Variants in SLC35F3 observed in about 807,000 individuals in gnomAD.
SLC35F3 encodes solute carrier family 35 member F3, also known as putative thiamine transporter SLC35F3.
A neutral mutation model predicts 49.9 loss-of-function variants in SLC35F3; 25 were observed. The observed-to-expected ratio is 0.50, with a 90% CI of 0.37 to 0.70. SLC35F3 has a LOEUF of 0.70. SLC35F3 is among the 30% of genes least tolerant of loss of function. The pLI is 0.00. For missense variants in SLC35F3, 525 were observed against 639.8 expected (o/e 0.82, Z 1.94); for synonymous variants, 275 against 265.4 (o/e 1.04, Z -0.35).
At chr1:233,963,303 T>C (rs1662836504) in intron 2 of SLC35F3, among the ~76,000 whole-genome samples, 2 of 151,196 alleles carry the variant, frequency 1.3e-5, no homozygotes, top group South Asian at 4.2e-4. Flanking sequence ...TCTTTCTTTT[T>C]TTTTTTTCTT....
chr1:234,227,658 A>G (rs544508979), intron 2 of SLC35F3, among the ~76,000 whole-genome samples: 104 of 152,152 alleles, frequency 6.8e-4, no homozygotes, highest in African/African-American at 2.2e-3. Flanking sequence ...TCGGCCTCCC[A>G]AAGTGCTGGG....
intron 2 of SLC35F3, among the ~76,000 whole-genome samples, chr1:233,986,031 C>T (rs1246694960): frequency 6.6e-6 from 1 of 152,152 alleles, no homozygotes; most frequent in African/African-American, 2.4e-5. Context: ...TACTTAAGGT[C>T]TTTGGACCTT....
intron 2 of SLC35F3, among the ~76,000 whole-genome samples, chr1:234,222,060 G>A (rs573672154): frequency 6.6e-6 from 1 of 152,338 alleles, no homozygotes; most frequent in African/African-American, 2.4e-5. Flanking sequence ...TGCTCTTTCT[G>A]AGAGTAGATT....
chr1:233,911,041 A>C (rs891323049), intron 2 of SLC35F3, among the ~76,000 whole-genome samples: 4 of 152,214 alleles, frequency 2.6e-5, no homozygotes, highest in Non-Finnish European at 5.9e-5. Context: ...AGGGCACTGA[A>C]TAACACACCT....
chr1:233,942,357 A>T (rs1450028638), intron 2 of SLC35F3, among the ~76,000 whole-genome samples: 1 of 152,040 alleles, frequency 6.6e-6, no homozygotes, highest in Non-Finnish European at 1.5e-5. Context: ...GGGGTTTTTG[A>T]TGTTGTTTTG....
intron 2 of SLC35F3, among the ~76,000 whole-genome samples, chr1:233,975,404 T>C (rs1236711813): frequency 6.6e-6 from 1 of 152,240 alleles, no homozygotes; most frequent in Non-Finnish European, 1.5e-5. Flanking sequence ...AATTTTAGTA[T>C]GCCATAACTG....
rs182561449 is a variant in SLC35F3 at position 234,142,449 on chromosome 1, A to G, written c.284-88968A>G. Among the ~76,000 whole-genome samples, 16 of 152,168 alleles carry G rather than the reference A, an allele frequency of 1.1e-4. No individual in the cohort carries two copies. The East Asian group carries it at 3.1e-3, about 29-fold the overall frequency. On this transcript the variant is annotated intron_variant, in intron 2 of 7. Coordinates refer to ENST00000366618, the MANE Select transcript of SLC35F3 (RefSeq NM_173508.4). ...AGCCGTTTTGTCCACTGCGGTGGAGAGGGCTGCTGCAGTGAATGACTGAGA... is the reference window on the plus strand; with the variant it reads ...AGCCGTTTTGTCCACTGCGGTGGAGGGGGCTGCTGCAGTGAATGACTGAGA...
At chr1:233,930,154 A>AG (rs771125894) in intron 2 of SLC35F3, among the ~76,000 whole-genome samples, 9 of 82,478 alleles carry the variant, frequency 1.1e-4, no homozygotes, top group Non-Finnish European at 2.7e-4. Context: ...ATTTCTTAAA[A>AG]GAAAAAAAAA....
At chr1:234,075,530 G>T (rs1664778873) in intron 2 of SLC35F3, among the ~76,000 whole-genome samples, 1 of 152,224 alleles carries the variant, frequency 6.6e-6, no homozygotes, top group East Asian at 1.9e-4. Context: ...GAAGATTCCA[G>T]ATAAAATGTG....
intron 2 of SLC35F3, among the ~76,000 whole-genome samples, chr1:234,172,959 C>G (rs771332351): frequency 2.6e-5 from 4 of 152,170 alleles, no homozygotes; most frequent in Non-Finnish European, 5.9e-5. Context: ...CAGCTTCCCC[C>G]AATGGTAACA....
At chr1:234,312,036 C>G (rs1455896529) in intron 4 of SLC35F3, among the ~76,000 whole-genome samples, 2 of 152,192 alleles carry the variant, frequency 1.3e-5, no homozygotes, top group African/African-American at 2.4e-5. Context: ...TCTTATTATT[C>G]CTTCTCAATT....
At chr1:233,944,766 G>T (rs572784988) in intron 2 of SLC35F3, among the ~76,000 whole-genome samples, 1 of 152,190 alleles carries the variant, frequency 6.6e-6, no homozygotes, top group Non-Finnish European at 1.5e-5. Flanking sequence ...AATTTAAAGT[G>T]CCCTGCTTGT....
chr1:234,226,319 AT>A (rs1667284849), intron 2 of SLC35F3, among the ~76,000 whole-genome samples: 1 of 152,010 alleles, frequency 6.6e-6, no homozygotes. Flanking sequence ...GTGGTCTTTG[AT>A]CCCCGCTCTG....
At chr1:234,099,111 T>A (rs1665176114) in intron 2 of SLC35F3, among the ~76,000 whole-genome samples, 1 of 152,074 alleles carries the variant, frequency 6.6e-6, no homozygotes, top group East Asian at 1.9e-4. Context: ...CATGTTCTGT[T>A]ACAGAGGGAG....
At chr1:234,141,724 A>G (rs1214432955) in intron 2 of SLC35F3, among the ~76,000 whole-genome samples, 1 of 152,168 alleles carries the variant, frequency 6.6e-6, no homozygotes, top group African/African-American at 2.4e-5. Flanking sequence ...AGTTCTGCCC[A>G]TCGGACCACT....
intron 2 of SLC35F3, among the ~76,000 whole-genome samples, chr1:234,114,220 T>C (rs753650186): frequency 6.6e-6 from 1 of 152,230 alleles, no homozygotes; most frequent in Non-Finnish European, 1.5e-5. Context: ...TATATCATGG[T>C]ATTTATTGCT....
At chr1:234,295,981 C>T (rs1437213772) in intron 3 of SLC35F3, among the ~76,000 whole-genome samples, 1 of 152,212 alleles carries the variant, frequency 6.6e-6, no homozygotes, top group Admixed American at 6.5e-5. Flanking sequence ...ATGTGTTATA[C>T]AAATGTATTC....
chr1:234,069,090 TA>T (rs1330719177), intron 2 of SLC35F3, among the ~76,000 whole-genome samples: 15 of 123,322 alleles, frequency 1.2e-4, no homozygotes, highest in African/African-American at 3.4e-4. Context: ...ATATATATTA[TA>T]TATTATATTA....
At chr1:234,157,890 T>G (rs1666176685) in intron 2 of SLC35F3, among the ~76,000 whole-genome samples, 1 of 152,110 alleles carries the variant, frequency 6.6e-6, no homozygotes, top group African/African-American at 2.4e-5. Flanking sequence ...GTTGTTTGAC[T>G]TTTTTTTCTT....
Sources: allele counts gnomAD v4.1 joint callset (sites outside exome capture counted in the v4.1 genomes callset), GRCh38; gene constraint gnomAD v4.1.1; transcripts MANE v1.5; gene names NCBI Gene and HGNC (gene_info 2026-07-23, HGNC 2026-07-21).